The following PMFBP1 variants were observed in gnomAD, a reference collection of about 807,000 sequenced individuals.
The protein encoded by PMFBP1 is polyamine modulated factor 1 binding protein 1.
PMFBP1 carries 131 observed loss-of-function variants against 137.8 expected under a neutral mutation model. That is an observed-to-expected ratio of 0.95 (90% CI 0.82 to 1.10). PMFBP1 has a LOEUF of 1.10. Ranked by LOEUF, PMFBP1 falls within the 50% of genes least tolerant of loss-of-function variation. The pLI is 0.00. For missense variants in PMFBP1, 1,199 were observed against 1,175.4 expected (o/e 1.02, Z -0.29); for synonymous variants, 490 against 450.4 (o/e 1.09, Z -1.11).
upstream of PMFBP1, among the ~76,000 whole-genome samples, chr16:72,175,506 C>T (rs2043255620): frequency 6.6e-6 from 1 of 152,218 alleles, no homozygotes; most frequent in African/African-American, 2.4e-5. Context: ...ATATGGTTGA[C>T]TCCTGGCCTT....
intron 19 of PMFBP1, 68 bp from the exon 20 acceptor site, chr16:72,120,157 G>T: frequency 6.2e-7 from 1 of 1,609,106 alleles, no homozygotes; most frequent in Non-Finnish European, 8.5e-7. Context: ...CTGCTAGAAA[G>T]GACAGATAAA....
At chr16:72,128,485 G>A in intron 14 of PMFBP1, 172 bp downstream of exon 14, 2 of 1,539,886 alleles carry the variant, frequency 1.3e-6, no homozygotes, top group Non-Finnish European at 1.7e-6. Context: ...CATTTCTCTG[G>A]CTCAGCAACC....
chr16:72,169,858 A>G (rs1299048153), intron 2 of PMFBP1, among the ~76,000 whole-genome samples: 3 of 152,288 alleles, frequency 2.0e-5, no homozygotes, highest in Non-Finnish European at 2.9e-5. Context: ...GGTAAATACA[A>G]TGTACTTAGA....
upstream of PMFBP1, among the ~76,000 whole-genome samples, chr16:72,175,978 G>A (rs1291488616): frequency 6.6e-6 from 1 of 152,172 alleles, no homozygotes; most frequent in Admixed American, 6.5e-5. Flanking sequence ...CAGAGAGTTC[G>A]CCTTTTTGAA....
the PMFBP1 span, among the ~76,000 whole-genome samples, chr16:72,249,920 C>CAAAAAAAAAA: frequency 4.3e-4 from 13 of 30,118 alleles, no homozygotes; most frequent in Non-Finnish European, 5.4e-4. Flanking sequence ...GACTCCATCG[C>CAAAAAAAAAA]AAAAAAAAAA....
At chr16:72,165,987 G>A (rs2043139321) in intron 2 of PMFBP1, among the ~76,000 whole-genome samples, 1 of 152,182 alleles carries the variant, frequency 6.6e-6, no homozygotes, top group Non-Finnish European at 1.5e-5. Flanking sequence ...TGGCAATGGT[G>A]TGAAAAGGAA....
upstream of PMFBP1, among the ~76,000 whole-genome samples, chr16:72,179,181 T>C (rs2043268354): frequency 6.6e-6 from 1 of 152,206 alleles, no homozygotes; most frequent in African/African-American, 2.4e-5. Context: ...AGGTGCCTGC[T>C]CTCCAGCAGG....
the PMFBP1 span, among the ~76,000 whole-genome samples, chr16:72,237,566 T>A: frequency 6.8e-4 from 104 of 152,266 alleles, no homozygotes; most frequent in East Asian, 1.5e-3. Context: ...TTTTAAAAAA[T>A]TTTTTTGGCA....
chr16:72,173,691 G>A (rs1358212247), upstream of PMFBP1, among the ~76,000 whole-genome samples: 1 of 152,254 alleles, frequency 6.6e-6, no homozygotes, highest in East Asian at 1.9e-4. Context: ...ACATTTGACA[G>A]TAATGTTTGC....
At chr16:72,204,884 G>T in the PMFBP1 span, among the ~76,000 whole-genome samples, 3 of 152,310 alleles carry the variant, frequency 2.0e-5, no homozygotes, top group African/African-American at 7.2e-5. Flanking sequence ...AATGTGGCTA[G>T]TGTGACTGAG....
the PMFBP1 span, among the ~76,000 whole-genome samples, chr16:72,235,083 C>T: frequency 6.6e-6 from 1 of 152,064 alleles, no homozygotes; most frequent in Non-Finnish European, 1.5e-5. Flanking sequence ...GTTGCTCATG[C>T]TTTTGGTGTC....
chr16:72,226,803 T>C, the PMFBP1 span, among the ~76,000 whole-genome samples: 1 of 152,144 alleles, frequency 6.6e-6, no homozygotes. Context: ...CGCCACAACA[T>C]GTCAAGAGAG....
chr16:72,135,943 C>T lies in PMFBP1; in HGVS notation c.1203+505G>A, dbSNP rs1446832647. Among the ~76,000 whole-genome samples the T allele has an allele frequency of 6.0e-5, 9 of 150,788 alleles. No homozygotes were observed. The East Asian group carries it at 7.8e-4, about 13-fold the overall frequency. ...ATAATTTTTGTATTTTTTGTAGAGA[C>T]GGGGTTTCATCATGTTACCCAGGCT... On this transcript the variant is annotated intron_variant, in intron 9 of 20. Transcript: ENST00000237353.
intron 3 of PMFBP1, among the ~76,000 whole-genome samples, chr16:72,161,132 C>G (rs1308707542): frequency 2.9e-5 from 4 of 137,014 alleles, no homozygotes; most frequent in Non-Finnish European, 6.1e-5. Context: ...GAATCTCACT[C>G]TGTTGCCAAG....
At chr16:72,249,781 C>A in the PMFBP1 span, among the ~76,000 whole-genome samples, 9 of 151,130 alleles carry the variant, frequency 6.0e-5, no homozygotes, top group Admixed American at 3.3e-4. Flanking sequence ...AATACCTGGG[C>A]GTGGTGGCGG....
intron 3 of PMFBP1, among the ~76,000 whole-genome samples, chr16:72,161,855 G>T (rs1291719370): frequency 6.6e-6 from 1 of 152,106 alleles, no homozygotes; most frequent in Non-Finnish European, 1.5e-5. Flanking sequence ...GATTCAAAAC[G>T]ATACTGTGTA....
chr16:72,232,010 G>GTT, the PMFBP1 span, among the ~76,000 whole-genome samples: 1 of 152,166 alleles, frequency 6.6e-6, no homozygotes, highest in Non-Finnish European at 1.5e-5. Context: ...GTCACGCCAA[G>GTT]TTGACACCAT....
upstream of PMFBP1, among the ~76,000 whole-genome samples, chr16:72,179,418 T>C (rs962074452): frequency 1.9e-4 from 29 of 152,172 alleles, no homozygotes; most frequent in Non-Finnish European, 1.2e-4. Context: ...CTGTTTATTG[T>C]GTCTGAATTT....
the PMFBP1 span, among the ~76,000 whole-genome samples, chr16:72,211,780 A>C: frequency 6.6e-6 from 1 of 152,132 alleles, no homozygotes; most frequent in Non-Finnish European, 1.5e-5. Flanking sequence ...AGACTGCTTG[A>C]GCTCAGGAGT....
Sources: gnomAD v4.1 joint callset for allele counts (sites outside exome capture counted in the v4.1 genomes callset) on GRCh38, gnomAD v4.1.1 for gene constraint, MANE v1.5 for transcripts, NCBI Gene and HGNC (gene_info 2026-07-23, HGNC 2026-07-21) for gene names.